PARD3: variants seen among roughly 807,000 people sequenced by gnomAD.
PARD3 encodes partitioning defective 3 homolog.
In PARD3, 75 loss-of-function variants were observed where a neutral mutation model predicts 155.4. The observed-to-expected ratio is 0.48, with a 90% CI of 0.40 to 0.58. The LOEUF is 0.58. Ranked by LOEUF, PARD3 falls within the 20% of genes least tolerant of loss-of-function variation. PARD3 has a pLI of 0.00. For missense variants in PARD3, 1,642 were observed against 1,721.7 expected (o/e 0.95, Z 0.82); for synonymous variants, 576 against 610.5 (o/e 0.94, Z 0.83).
intron 1 of PARD3, among the ~76,000 whole-genome samples, chr10:34,805,772 C>T (rs534011801): frequency 1.3e-5 from 2 of 151,922 alleles, no homozygotes; most frequent in East Asian, 2.0e-4. Flanking sequence ...GTCAGGAGAT[C>T]GAGACCATCC....
rs140545250 is a variant in PARD3, at chr10:34,547,449, T to A, written c.223-30290A>T. On this transcript the variant is annotated intron_variant, in intron 2 of 24. Coordinates refer to ENST00000374788, the MANE Select transcript of PARD3 (RefSeq NM_001184785.2). ...ATATACCATATGTATTAAATAATTA[T>A]GACTAGAGATAATCTTAGCACACAT... Among the ~76,000 whole-genome samples the A allele has an allele frequency of 2.6e-5, 4 of 152,380 alleles. No individual in the cohort carries two copies. The East Asian group carries it at 7.7e-4, about 29-fold the overall frequency.
At chr10:34,515,281 T>A (rs2081645030) in intron 3 of PARD3, among the ~76,000 whole-genome samples, 1 of 152,232 alleles carries the variant, frequency 6.6e-6, no homozygotes, top group Non-Finnish European at 1.5e-5. Context: ...AAACAGTATA[T>A]CCTAGTAGTC....
chr10:34,387,732 A>G (rs921506820), intron 7 of PARD3, among the ~76,000 whole-genome samples: 1 of 152,194 alleles, frequency 6.6e-6, no homozygotes, highest in Admixed American at 6.5e-5. Flanking sequence ...AGTAACATCA[A>G]TAATTTTTTT....
intron 1 of PARD3, among the ~76,000 whole-genome samples, chr10:34,709,773 C>T (rs1036986545): frequency 2.6e-5 from 4 of 152,146 alleles, no homozygotes; most frequent in African/African-American, 4.8e-5. Context: ...TATGTCATCC[C>T]GGGGCCTCCT....
chr10:34,511,780 G>A (rs755908131), intron 3 of PARD3, among the ~76,000 whole-genome samples: 5 of 152,008 alleles, frequency 3.3e-5, no homozygotes, highest in Non-Finnish European at 5.9e-5. Context: ...AGTCTGGTGT[G>A]CAGTGGACAA....
At chr10:34,474,833 T>A (rs2078603110) in intron 3 of PARD3, among the ~76,000 whole-genome samples, 4 of 152,238 alleles carry the variant, frequency 2.6e-5, no homozygotes. Context: ...CTAGTAGAAT[T>A]ATGCACTGAG....
chr10:34,659,969 C>T (rs2093279604), intron 2 of PARD3, among the ~76,000 whole-genome samples: 1 of 152,210 alleles, frequency 6.6e-6, no homozygotes, highest in Non-Finnish European at 1.5e-5. Context: ...TTAGCATCTT[C>T]ATTTTCATAA....
Position 34,304,252 on chromosome 10 carries a change from T to C in PARD3, c.3065+12855A>G, listed in dbSNP as rs374258549. ...GTTCCATGCCTGTAATCCCAGCACT[T>C]TGGGAGGCCGAGGTGGGAGAATCAC... is the stretch of plus-strand genomic sequence containing the variant. On this transcript the variant is annotated intron_variant, in intron 20 of 24. Coordinates refer to ENST00000374788, the MANE Select transcript of PARD3 (RefSeq NM_001184785.2). Among the ~76,000 whole-genome samples the C allele has an allele frequency of 7.9e-5, 12 of 151,976 alleles. No individual in the cohort carries two copies. In the East Asian group the frequency reaches 2.3e-3, roughly 29 times the overall value.
At chr10:34,416,531 T>C (rs1021136493) in intron 5 of PARD3, among the ~76,000 whole-genome samples, 2 of 152,196 alleles carry the variant, frequency 1.3e-5, no homozygotes, top group African/African-American at 4.8e-5. Flanking sequence ...ATTAAGCACC[T>C]ATCAGGGCCA....
intron 24 of PARD3, among the ~76,000 whole-genome samples, chr10:34,112,226 A>G (rs1013695266): frequency 6.6e-6 from 1 of 152,212 alleles, no homozygotes; most frequent in African/African-American, 2.4e-5. Flanking sequence ...TCTGTAAAGT[A>G]AGCACTATTT....
chr10:34,347,419 C>A (rs1391434356), intron 15 of PARD3, among the ~76,000 whole-genome samples: 4 of 152,102 alleles, frequency 2.6e-5, no homozygotes, highest in Admixed American at 2.6e-4. Flanking sequence ...ATGCAGAAGA[C>A]TAGTTTCGCG....
At chr10:34,811,371 G>A (rs970136123) in intron 1 of PARD3, among the ~76,000 whole-genome samples, 1 of 152,006 alleles carries the variant, frequency 6.6e-6, no homozygotes, top group Non-Finnish European at 1.5e-5. Context: ...TATCAGAATC[G>A]TAGCAGACAT....
intron 19 of PARD3, among the ~76,000 whole-genome samples, chr10:34,326,168 T>A (rs1052133082): frequency 6.6e-6 from 1 of 151,634 alleles, no homozygotes; most frequent in African/African-American, 2.4e-5. Flanking sequence ...GATTCTATCA[T>A]TCAAAACACT....
chr10:34,741,859 C>A (rs1158903754), intron 1 of PARD3, among the ~76,000 whole-genome samples: 1 of 152,200 alleles, frequency 6.6e-6, no homozygotes, highest in Non-Finnish European at 1.5e-5. Flanking sequence ...AAGACCATTA[C>A]TGGTTTTTGT....
Position 34,347,834 on chromosome 10 carries a change from T to C in PARD3, c.2218+131A>G, listed in dbSNP as rs1253533517. 23 of 645,326 alleles carry C rather than the reference T, an allele frequency of 3.6e-5. No homozygotes were observed. The South Asian group carries it at 8.8e-4, about 25-fold the overall frequency. The allele number at this position is 645,326 out of a possible 1,614,324, so 40.0% of individuals were successfully genotyped here. ...TTTAATAAACCTGTTCTCTTTTGTC[T>C]TGAAAACATTAATATTTTTATTTAC... On this transcript the variant is annotated intron_variant, in intron 15 of 24. Transcript: ENST00000374788.
At chr10:34,527,790 AGAAG>A (rs1386000801) in intron 2 of PARD3, among the ~76,000 whole-genome samples, 1 of 152,222 alleles carries the variant, frequency 6.6e-6, no homozygotes, top group Non-Finnish European at 1.5e-5. Flanking sequence ...TTTGCATGCA[AGAAG>A]GAAGGGTGTG....
In PARD3 at chr10:34,626,361, C is replaced by G. The variant is rs556024425; in HGVS notation, c.222+69957G>C. Among the ~76,000 whole-genome samples, 12 of 152,314 alleles carry G rather than the reference C, an allele frequency of 7.9e-5. No homozygotes were observed. The South Asian group carries it at 8.3e-4, about 11-fold the overall frequency. ...ACACTTTCTCTCTCCCCCCTCCTCT[C>G]TGTGTGTGAAGTGTCTTATCTGTTT... On this transcript the variant is annotated intron_variant, in intron 2 of 24. Coordinates refer to ENST00000374788, the MANE Select transcript of PARD3 (RefSeq NM_001184785.2).
chr10:34,763,186 G>A (rs765427291), intron 1 of PARD3, among the ~76,000 whole-genome samples: 4 of 152,188 alleles, frequency 2.6e-5, no homozygotes, highest in Non-Finnish European at 4.4e-5. Context: ...TCCCACAAAA[G>A]GAAGAAATTG....
rs1321816279 is a variant in PARD3, at chr10:34,728,660, C to G, written c.121-32241G>C. ...CCAATTTGGATGAAGTCATCCCAAG[C>G]AGCAGTAAAAGGCTTTTATTGCCCA... On this transcript the variant is annotated intron_variant, in intron 1 of 24. Coordinates refer to ENST00000374788, the MANE Select transcript of PARD3 (RefSeq NM_001184785.2). Among the ~76,000 whole-genome samples, 3 of 152,164 alleles carry G rather than the reference C, an allele frequency of 2.0e-5. No homozygotes were observed. In the East Asian group the frequency reaches 5.8e-4, roughly 29 times the overall value.
Sources: gnomAD v4.1 joint callset for allele counts (sites outside exome capture counted in the v4.1 genomes callset) on GRCh38, gnomAD v4.1.1 for gene constraint, MANE v1.5 for transcripts, NCBI Gene and HGNC (gene_info 2026-07-23, HGNC 2026-07-21) for gene names.